NDC1: variants seen among roughly 807,000 people sequenced by gnomAD.
NDC1 encodes the protein nucleoporin NDC1.
In NDC1, 24 loss-of-function variants were observed where a neutral mutation model predicts 89.8. The ratio of observed to expected loss-of-function variants is 0.27; its 90% CI spans 0.19 to 0.38. NDC1 has a LOEUF of 0.38. Among genes scored for constraint, NDC1 ranks in the 10% least tolerant of loss-of-function variants. The pLI is 1.00. For missense variants in NDC1, 728 were observed against 797.6 expected (o/e 0.91, Z 1.05); for synonymous variants, 296 against 284.8 (o/e 1.04, Z -0.39).
intron 10 of NDC1, 120 bp downstream of exon 10, chr1:53,803,808 T>A (rs1318487823): frequency 5.6e-6 from 4 of 715,708 alleles, no homozygotes; most frequent in African/African-American, 1.8e-5. Context: ...CCTGACCTCA[T>A]GATCCGCCTG....
chr1:53,825,396 A>G lies in NDC1; in HGVS notation c.594+402T>C, dbSNP rs1421283898. On this transcript the variant is annotated intron_variant, in intron 5 of 17. Coordinates refer to ENST00000371429, the MANE Select transcript of NDC1 (RefSeq NM_018087.5). ...CTTGAACCCAGGAGGCGGAGGTTGC[A>G]GTGAGCCGAGATTGCGCCATTGCAC... Among the ~76,000 whole-genome samples the G allele has an allele frequency of 3.3e-5, 5 of 149,622 alleles. No homozygotes were observed. The East Asian group carries it at 7.7e-4, about 23-fold the overall frequency.
At chr1:53,790,685 C>T (rs376685841) in intron 14 of NDC1, among the ~76,000 whole-genome samples, 27 of 152,138 alleles carry the variant, frequency 1.8e-4, no homozygotes, top group Admixed American at 1.3e-3. Context: ...CCAGCCTGGG[C>T]GACAGAGCAA....
chr1:53,817,010 C>T (rs1006097380), intron 6 of NDC1, among the ~76,000 whole-genome samples: 3 of 152,112 alleles, frequency 2.0e-5, no homozygotes, highest in South Asian at 2.1e-4. Context: ...GGCGTGGATG[C>T]GGTCAACAAG....
chr1:53,805,133 A>G (rs1212145673), intron 9 of NDC1, among the ~76,000 whole-genome samples: 1 of 152,180 alleles, frequency 6.6e-6, no homozygotes, highest in Non-Finnish European at 1.5e-5. Flanking sequence ...TTATTTGTTT[A>G]TAAATTCTTT....
At chr1:53,799,306 T>C (rs973871841) in intron 11 of NDC1, among the ~76,000 whole-genome samples, 4 of 152,238 alleles carry the variant, frequency 2.6e-5, no homozygotes, top group Non-Finnish European at 5.9e-5. Context: ...TGTGATTCCC[T>C]GGCTTCTAGC....
intron 11 of NDC1, among the ~76,000 whole-genome samples, chr1:53,799,266 A>G (rs1315229558): frequency 6.6e-6 from 1 of 152,326 alleles, no homozygotes; most frequent in South Asian, 2.1e-4. Flanking sequence ...GCCTTCCACT[A>G]AAAGGTCAGA....
At chr1:53,785,660 C>T (rs1048103161) in intron 16 of NDC1, among the ~76,000 whole-genome samples, 2 of 152,046 alleles carry the variant, frequency 1.3e-5, no homozygotes, top group African/African-American at 4.8e-5. Flanking sequence ...GCAACCTCTA[C>T]CTCCCGGGTT....
intron 6 of NDC1, among the ~76,000 whole-genome samples, chr1:53,817,717 T>A (rs1436043323): frequency 6.6e-6 from 1 of 152,060 alleles, no homozygotes; most frequent in African/African-American, 2.4e-5. Context: ...TATGTAGAAA[T>A]GGACTATATA....
intron 11 of NDC1, among the ~76,000 whole-genome samples, chr1:53,800,153 A>G (rs1187997792): frequency 1.3e-5 from 2 of 152,136 alleles, no homozygotes; most frequent in East Asian, 1.9e-4. Flanking sequence ...AAATTAACCA[A>G]TGAAAAACTG....
intron 16 of NDC1, among the ~76,000 whole-genome samples, chr1:53,776,602 T>G (rs1186974626): frequency 6.6e-6 from 1 of 152,210 alleles, no homozygotes; most frequent in East Asian, 1.9e-4. Context: ...TTATTTCTAT[T>G]GGACAGAACT....
chr1:53,782,609 G>A (rs1277356450), intron 16 of NDC1, among the ~76,000 whole-genome samples: 1 of 152,216 alleles, frequency 6.6e-6, no homozygotes, highest in Non-Finnish European at 1.5e-5. Context: ...GCTGTGCCTG[G>A]AGCAAGGGCT....
At chr1:53,807,246 CAAAAAAAAAAAA>C (rs56393499) in intron 8 of NDC1, among the ~76,000 whole-genome samples, 6 of 55,268 alleles carry the variant, frequency 1.1e-4, no homozygotes, top group Non-Finnish European at 1.9e-4. Context: ...GACCCTATCT[CAAAAAAAAAAAA>C]AAAAAAAAAA....
At chr1:53,778,475 G>A (rs534560180) in intron 16 of NDC1, among the ~76,000 whole-genome samples, 1 of 152,008 alleles carries the variant, frequency 6.6e-6, no homozygotes, top group Non-Finnish European at 1.5e-5. Flanking sequence ...TGACTTGGAC[G>A]GGCATGGTGG....
At position 53,768,025 on chromosome 1, in the gene NDC1, T is replaced by A; in HGVS notation, c.1970A>T (p.Gln657Leu). The A allele has an allele frequency of 6.2e-7, 1 of 1,603,324 alleles. No homozygotes were observed. Among genetic ancestry groups the A allele is most frequent in the Non-Finnish European group, 8.5e-7 (1 of 1,174,766 alleles). The change falls in exon 18 of 18, where the codon CAA (glutamine) becomes CTA (leucine). Residue 657 changes from glutamine to leucine, a missense_variant. Physicochemically the swap from Gln to Leu is moderately radical, Grantham distance 113. Coordinates refer to ENST00000371429, the MANE Select transcript of NDC1 (RefSeq NM_018087.5). The part of the protein sequence containing the change: ...TTFGEHLNAV[Q>L]ASAEHQKRLQ... ...TCTTTTCTGATGTTCTGCAGATGCT[T>A]GCACAGCACTAAATGAAACATAAAT...
At chr1:53,816,464 A>G (rs1648479206) in intron 6 of NDC1, among the ~76,000 whole-genome samples, 1 of 152,234 alleles carries the variant, frequency 6.6e-6, no homozygotes, top group African/African-American at 2.4e-5. Context: ...TGGATTAAGG[A>G]CTTAAACCTA....
intron 17 of NDC1, 67 bp from the exon 18 acceptor site, chr1:53,768,100 GCA>G: frequency 3.2e-6 from 3 of 935,138 alleles, no homozygotes; most frequent in Non-Finnish European, 3.2e-6. Context: ...GAACCACAGA[GCA>G]CAGAGACAAT....
At chr1:53,834,725 C>T (rs950755580) in intron 2 of NDC1, among the ~76,000 whole-genome samples, 2 of 152,212 alleles carry the variant, frequency 1.3e-5, no homozygotes, top group Middle Eastern at 3.4e-3. Context: ...AGCTGGCACA[C>T]GGTAAACAGG....
At chr1:53,832,248 G>C (rs1649091084) in intron 3 of NDC1, among the ~76,000 whole-genome samples, 1 of 151,954 alleles carries the variant, frequency 6.6e-6, no homozygotes, top group Non-Finnish European at 1.5e-5. Context: ...CTATGAATTT[G>C]AGTACTCCAG....
intron 6 of NDC1, among the ~76,000 whole-genome samples, chr1:53,815,615 G>C (rs976123350): frequency 4.6e-5 from 7 of 152,156 alleles, no homozygotes; most frequent in Admixed American, 1.3e-4. Context: ...AATGAGACAA[G>C]AGAAAGAATT....
Sources: allele counts gnomAD v4.1 joint callset (sites outside exome capture counted in the v4.1 genomes callset), GRCh38; gene constraint gnomAD v4.1.1; transcripts MANE v1.5; gene names NCBI Gene and HGNC (gene_info 2026-07-23, HGNC 2026-07-21).